Variants in TNXB observed in about 807,000 individuals in gnomAD.
TNXB encodes the protein tenascin-X.
A neutral mutation model predicts 340.5 loss-of-function variants in TNXB; 183 were observed. That is an observed-to-expected ratio of 0.54 (90% CI 0.48 to 0.61). The LOEUF is 0.61. Among genes scored for constraint, TNXB ranks in the 20% least tolerant of loss-of-function variants. The probability of loss-of-function intolerance (pLI) is 0.00; values close to 1 mark genes in which losing one functional copy is unlikely to be tolerated. For missense variants in TNXB, 4,613 were observed against 5,446.4 expected, an observed-to-expected ratio of 0.85 and a Z score of 4.82; for synonymous variants, 2,121 against 2,314.5, an observed-to-expected ratio of 0.92 and a Z score of 2.40.
At chr6:32,078,775 C>T in intron 11 of TNXB, 1 of 491,280 alleles carries the variant, frequency 2.0e-6, no homozygotes, top group South Asian at 2.8e-5. Flanking sequence ...CATCTGTTAA[C>T]TCACTTAACC....
intron 24 of TNXB, among the ~76,000 whole-genome samples, chr6:32,055,333 A>G (rs1166272155): frequency 6.6e-6 from 1 of 152,202 alleles, no homozygotes; most frequent in Non-Finnish European, 1.5e-5. Flanking sequence ...GTCGTTGGCC[A>G]GAGGACATTG....
At position 32,087,018 on chromosome 6, in the gene TNXB, C is replaced by T. The variant is rs764576435; in HGVS notation, c.2780-900G>A. On this transcript the variant is annotated intron_variant, in intron 6 of 43. Coordinates refer to ENST00000644971, the MANE Select transcript of TNXB (RefSeq NM_001365276.2). The surrounding 1 kb of genome is among the most constrained non-coding windows in gnomAD (Gnocchi z 9.0). ...CCGGGAAACCCCAAAGAAGGCGCTG[C>T]CTTGACCTTAGGCATCCACAGGATG... 2.0e-5 allele frequency among the ~76,000 whole-genome samples: 3 copies of T among 152,192 alleles called. No individual in the cohort carries two copies. The highest frequency in any genetic ancestry group is 1.5e-5 in the Non-Finnish European group (1 of 68,022).
At chr6:32,057,568 A>C (rs1305618772) in intron 22 of TNXB, among the ~76,000 whole-genome samples, 2 of 152,086 alleles carry the variant, frequency 1.3e-5, no homozygotes, top group Admixed American at 1.3e-4. Flanking sequence ...CCACATCCTC[A>C]TCCCTGGGAG....
In TNXB at chr6:32,065,125, G is replaced by T. The variant is rs753016808; in HGVS notation, c.6545-8C>A. The T allele has an allele frequency of 1.9e-6, 3 of 1,551,422 alleles. No individual in the cohort carries two copies. In the East Asian group the frequency reaches 7.0e-5, roughly 36 times the overall value. On this transcript the variant is annotated splice_polypyrimidine_tract_variant and splice_region_variant and intron_variant, in intron 18 of 43. Coordinates refer to ENST00000644971, the MANE Select transcript of TNXB (RefSeq NM_001365276.2). Reference sequence around the variant, plus strand: ...GGGACTCCTCTTCGGGGGCTAGGAAGAGATAGAAACAGAATCTTTTCTCTT... The same window carrying T: ...GGGACTCCTCTTCGGGGGCTAGGAATAGATAGAAACAGAATCTTTTCTCTT...
Position 32,095,122 on chromosome 6 carries a change from G to C in TNXB, c.2312C>G (p.Pro771Arg), listed in dbSNP as rs199705832. Residue 771 changes from proline (P) to arginine (R), a missense_variant, in exon 4 of 44, where the codon CCG becomes CGG. Pro to Arg is a moderately radical substitution (Grantham distance 103). This residue lies in a region of TNXB where 4,327 missense variants were observed against 4,859.4 expected (regional missense o/e 0.89). Coordinates refer to ENST00000644971, the MANE Select transcript of TNXB (RefSeq NM_001365276.2). ...ATAGGCATCCACGGGGCCAGGAGCC[G>C]GGGTCCACTCTGTCCGAACTGTTGT... ...EETTVRTEWT[P>R]APGPVDAYEI... The C allele has an allele frequency of 3.0e-5, 47 of 1,549,234 alleles. No homozygotes were observed. Among genetic ancestry groups the C allele is most frequent in the Non-Finnish European group, 3.8e-5 (44 of 1,146,204 alleles).
Position 32,062,549 on chromosome 6 carries a change from A to G in TNXB, c.6842-66T>C. Reference sequence around the variant, plus strand: ...CTCCTTTTAACCAAGGGACTCTGGGATTCTCTTAGACACACCAAGGGCCCA... The same window carrying G: ...CTCCTTTTAACCAAGGGACTCTGGGGTTCTCTTAGACACACCAAGGGCCCA... On this transcript the variant is annotated intron_variant, in intron 19 of 43. Transcript: ENST00000644971. The surrounding 1 kb of genome is among the most constrained non-coding windows in gnomAD (Gnocchi z 4.3). The G allele has an allele frequency of 7.6e-6, 11 of 1,450,776 alleles. No individual in the cohort carries two copies. The highest frequency in any genetic ancestry group is 1.0e-5 in the Non-Finnish European group (11 of 1,077,616). 89.9% of individuals were successfully genotyped at this position (1,450,776 alleles called of 1,614,324 possible). A position where few individuals can be genotyped will look rare whatever the true frequency, so the allele number is the denominator to read the frequency against.
At chr6:32,077,857 T>C (rs896565201) in intron 11 of TNXB, among the ~76,000 whole-genome samples, 1 of 151,874 alleles carries the variant, frequency 6.6e-6, no homozygotes, top group Non-Finnish European at 1.5e-5. Flanking sequence ...TAAAACCCCA[T>C]CTCTATTAAA....
chr6:32,046,694 G>A lies in TNXB; in HGVS notation c.10325-238C>T. On this transcript the variant is annotated intron_variant, in intron 30 of 43. Coordinates refer to ENST00000644971, the MANE Select transcript of TNXB (RefSeq NM_001365276.2). The surrounding 1 kb of genome is among the most constrained non-coding windows in gnomAD (Gnocchi z 6.9). ...CTTCCTGCCCCGCCCCTTCCCTGCT[G>A]TGATCGAGGATGCGCCAAATTCATT... The A allele has an allele frequency of 4.5e-6, 2 of 444,362 alleles. No homozygotes were observed. The highest frequency in any genetic ancestry group is 7.0e-5 in the South Asian group (1 of 14,374). 27.5% of individuals were successfully genotyped at this position (444,362 alleles called of 1,614,324 possible). A position where few individuals can be genotyped will look rare whatever the true frequency, so the allele number is the denominator to read the frequency against.
intron 4 of TNXB, among the ~76,000 whole-genome samples, chr6:32,092,144 C>T (rs578227811): frequency 6.6e-6 from 1 of 152,316 alleles, no homozygotes; most frequent in East Asian, 1.9e-4. Context: ...ATCAGAATCA[C>T]CTGGAGGGCT....
chr6:32,106,945 C>T (rs989414232), intron 1 of TNXB, among the ~76,000 whole-genome samples: 5 of 152,282 alleles, frequency 3.3e-5, no homozygotes, highest in African/African-American at 1.2e-4. Context: ...AATCCACCCC[C>T]AAAACCTGCA....
At position 32,068,672 on chromosome 6, in the gene TNXB, C is replaced by G; in HGVS notation, c.5938G>C (p.Ala1980Pro). The change falls in exon 17 of 44, where the codon GCA becomes CCA. Residue 1980 changes from alanine (A) to proline (P), a missense_variant. Ala to Pro is a conservative substitution (Grantham distance 27). Around this residue, in one of 7 missense-constraint regions of TNXB, gnomAD observed 4,327 missense variants for 4,859.4 expected, o/e 0.89. Transcript: ENST00000644971. The surrounding 1 kb of genome is among the most constrained non-coding windows in gnomAD (Gnocchi z 5.3). Reference protein sequence around the residue: ...EEEKPSEPPTATPEPPIKPRL... With the variant: ...EEEKPSEPPTPTPEPPIKPRL... ...GGCTTGATGGGGGGCTCGGGGGTTGCGGTGGGAGGTTCTGAAGGCTTCTCC... is the reference window on the plus strand; with the variant it reads ...GGCTTGATGGGGGGCTCGGGGGTTGGGGTGGGAGGTTCTGAAGGCTTCTCC... 6.2e-7 allele frequency: 1 copy of G among 1,613,770 alleles called. No individual in the cohort carries two copies. Among genetic ancestry groups the G allele is most frequent in the East Asian group, 2.2e-5 (1 of 44,866 alleles).
chr6:32,079,895 CT>C lies in TNXB; in HGVS notation c.4043-531del, dbSNP rs1779340406. On this transcript the variant is annotated intron_variant, in intron 10 of 43. Transcript: ENST00000644971. This position sits in a 1 kb window ranked among gnomAD's most constrained non-coding sequence, Gnocchi z 7.1. ...GATCCAAGGAGAGACATGTCCTTCC[CT>C]GGCTGGCTCTGGAATCACAGCCCTG... Among the ~76,000 whole-genome samples, 1 of 152,240 alleles carries C rather than the reference CT, an allele frequency of 6.6e-6. No homozygotes were observed. The highest frequency in any genetic ancestry group is 2.1e-4 in the South Asian group (1 of 4,836).
In TNXB at chr6:32,074,447, G is replaced by T. The variant is rs1305954825; in HGVS notation, c.4376-495C>A. Among the ~76,000 whole-genome samples, 2 of 152,132 alleles carry T rather than the reference G, an allele frequency of 1.3e-5. No individual in the cohort carries two copies. Among genetic ancestry groups the T allele is most frequent in the Admixed American group, 6.5e-5 (1 of 15,268 alleles). ...TCGGTGTCTGAGGCTGCATTTGTTG[G>T]GGGAGAAGAGTATCAACCATCACTG... On this transcript the variant is annotated intron_variant, in intron 11 of 43. Transcript: ENST00000644971. The surrounding 1 kb of genome is among the most constrained non-coding windows in gnomAD (Gnocchi z 5.5).
Position 32,087,643 on chromosome 6 carries a change from G to A in TNXB, c.2779+1142C>T. 1 of 416,074 alleles carries A rather than the reference G, an allele frequency of 2.4e-6. No homozygotes were observed. The highest frequency in any genetic ancestry group is 1.7e-5 in the South Asian group (1 of 57,750). 25.8% of individuals were successfully genotyped at this position (416,074 alleles called of 1,614,324 possible). A position where few individuals can be genotyped will look rare whatever the true frequency, so the allele number is the denominator to read the frequency against. On this transcript the variant is annotated intron_variant, in intron 6 of 43. Coordinates refer to ENST00000644971, the MANE Select transcript of TNXB (RefSeq NM_001365276.2). The surrounding 1 kb of genome is among the most constrained non-coding windows in gnomAD (Gnocchi z 9.0). ...GGGGTGGCGGGGCGGGGGTGCGGGG[G>A]AGCCGGCTGGGGCGGCGGCCAACAG...
rs1776751491 is a variant in TNXB, at chr6:32,045,048, CA to C, written c.10884del (p.His3628GlnfsTer36). The part of the protein sequence containing the change: ...TPYRFLLYGL[H>X]EGKRLGPLSA... ...GAGAGGGGCCCCAGGCGCTTCCCTTCATGGAGGCCATAGAGGAGGAACCTGT... is the reference window on the plus strand; with the variant it reads ...GAGAGGGGCCCCAGGCGCTTCCCTTCTGGAGGCCATAGAGGAGGAACCTGT... On this transcript the variant is annotated frameshift_variant, in exon 32 of 44. Transcript: ENST00000644971. LOFTEE classifies it high-confidence loss of function. The C allele has an allele frequency of 6.2e-7, 1 of 1,611,370 alleles. No homozygotes were observed. Among genetic ancestry groups the C allele is most frequent in the African/African-American group, 1.3e-5 (1 of 74,932 alleles).
At chr6:32,088,468 G>A (rs1779917999) in intron 6 of TNXB, among the ~76,000 whole-genome samples, 1 of 152,148 alleles carries the variant, frequency 6.6e-6, no homozygotes, top group Admixed American at 6.5e-5. Context: ...CACAAGGCCT[G>A]TCCCGGTACC....
In TNXB at chr6:32,069,645, G is replaced by A. The variant is rs768187269; in HGVS notation, c.5495C>T (p.Pro1832Leu). The change falls in exon 15 of 44, where the codon CCG (proline) becomes CTG (leucine). Residue 1832 changes from proline to leucine, a missense_variant. Pro to Leu is a moderately conservative substitution (Grantham distance 98, BLOSUM62 -3). This residue lies in a region of TNXB where 4,327 missense variants were observed against 4,859.4 expected (regional missense o/e 0.89). Coordinates refer to ENST00000644971, the MANE Select transcript of TNXB (RefSeq NM_001365276.2). This position sits in a 1 kb window ranked among gnomAD's most constrained non-coding sequence, Gnocchi z 6.2. ...GTACCTGTGGGCAGGGTCCAGGCCCGGCACGCTGACCTCCCTGAGGCTGCC... is the reference window on the plus strand; with the variant it reads ...GTACCTGTGGGCAGGGTCCAGGCCCAGCACGCTGACCTCCCTGAGGCTGCC... ...VEGSLREVSVPGLDPAHRYKL... is the reference protein window; with the variant it reads ...VEGSLREVSVLGLDPAHRYKL... 1.2e-5 allele frequency: 19 copies of A among 1,612,698 alleles called. No homozygotes were observed. In the South Asian group the frequency reaches 1.4e-4, roughly 12 times the overall value.
rs1206091013 is a variant in TNXB, at chr6:32,081,105, G to A, written c.4042+263C>T. Among the ~76,000 whole-genome samples, 1 of 152,182 alleles carries A rather than the reference G, an allele frequency of 6.6e-6. No individual in the cohort carries two copies. The highest frequency in any genetic ancestry group is 1.5e-5 in the Non-Finnish European group (1 of 68,042). ...AGGACAGCCCCAGGTGGAAGGATGA[G>A]TCCAGGTGTTTGGAATGGGGGAAAA... On this transcript the variant is annotated intron_variant, in intron 10 of 43. Coordinates refer to ENST00000644971, the MANE Select transcript of TNXB (RefSeq NM_001365276.2). The surrounding 1 kb of genome is among the most constrained non-coding windows in gnomAD (Gnocchi z 5.1).
Position 32,058,464 on chromosome 6 carries a change from G to A in TNXB, c.7493-74C>T. The stretch of plus-strand genomic sequence containing the variant: ...TTGCTTTGCTGGTGCTGTCAACAGA[G>A]GTCATACATCAAATGTGCCCCTCCA... On this transcript the variant is annotated intron_variant, in intron 21 of 43. Coordinates refer to ENST00000644971, the MANE Select transcript of TNXB (RefSeq NM_001365276.2). This position sits in a 1 kb window ranked among gnomAD's most constrained non-coding sequence, Gnocchi z 5.1. The A allele has an allele frequency of 1.5e-6, 2 of 1,294,008 alleles. No homozygotes were observed. Among genetic ancestry groups the A allele is most frequent in the Admixed American group, 5.4e-5 (2 of 37,314 alleles). 80.2% of individuals were successfully genotyped at this position (1,294,008 alleles called of 1,614,324 possible).
Sources: gnomAD v4.1 joint callset for allele counts (sites outside exome capture counted in the v4.1 genomes callset) on GRCh38, gnomAD v4.1.1 for gene constraint, gnomAD v4.1.1 regional missense constraint, Gnocchi (gnomAD v3.1) non-coding constraint, MANE v1.5 for transcripts, NCBI Gene and HGNC (gene_info 2026-07-23, HGNC 2026-07-21) for gene names.